TIAM1: variants seen among roughly 807,000 people sequenced by gnomAD.
TIAM1 encodes TIAM Rac1 associated GEF 1.
In TIAM1, 65 loss-of-function variants were observed where a neutral mutation model predicts 163.5. That is an observed-to-expected ratio of 0.40 (90% confidence interval 0.33 to 0.49). TIAM1 has a LOEUF of 0.49. Among genes scored for constraint, TIAM1 ranks in the 20% least tolerant of loss-of-function variants. The pLI, the probability that TIAM1 is intolerant of heterozygous loss-of-function variation, is 0.77. For synonymous variants in TIAM1, 833 were observed against 810.1 expected, an observed-to-expected ratio of 1.03 and a Z score of -0.48; for missense variants, 1,789 against 2,044.7, an observed-to-expected ratio of 0.87 and a Z score of 2.41.
chr21:31,402,979 T>C (rs1026261216), intron 2 of TIAM1, among the ~76,000 whole-genome samples: 1 of 151,960 alleles, frequency 6.6e-6, no homozygotes, highest in Non-Finnish European at 1.5e-5. Context: ...AAACAATGTA[T>C]CTTCCTGTAC....
chr21:31,274,588 C>A (rs1159763676), intron 3 of TIAM1, among the ~76,000 whole-genome samples: 1 of 152,176 alleles, frequency 6.6e-6, no homozygotes, highest in Non-Finnish European at 1.5e-5. Context: ...GGATGCCTCA[C>A]CCCCTAGCTG....
chr21:31,465,991 C>A (rs903467764), intron 1 of TIAM1, among the ~76,000 whole-genome samples: 1 of 152,228 alleles, frequency 6.6e-6, no homozygotes, highest in Non-Finnish European at 1.5e-5. Flanking sequence ...CAGGCGTGAG[C>A]CACGGCGCCC....
In TIAM1 at chr21:31,338,506, C is replaced by T. The variant is rs140808867; in HGVS notation, c.-189+737G>A. On this transcript the variant is annotated intron_variant, in intron 2 of 27. Transcript: ENST00000541036. Reference sequence around the variant, plus strand: ...TAGCTAGAAAGCCCCTTTTGGTCTACGTCATTCTCCTCCTAGGAAGTAAAC... The same window carrying T: ...TAGCTAGAAAGCCCCTTTTGGTCTATGTCATTCTCCTCCTAGGAAGTAAAC... Among the ~76,000 whole-genome samples, 8 of 152,274 alleles carry T rather than the reference C, an allele frequency of 5.3e-5. No individual in the cohort carries two copies. In the East Asian group the frequency reaches 5.8e-4, roughly 11 times the overall value.
intron 2 of TIAM1, among the ~76,000 whole-genome samples, chr21:31,447,739 G>C (rs1468214229): frequency 6.6e-6 from 1 of 152,174 alleles, no homozygotes; most frequent in Admixed American, 6.5e-5. Flanking sequence ...ATGAGTGCTT[G>C]TACTAGTCAG....
chr21:31,235,396 T>C (rs2088697964), intron 6 of TIAM1, among the ~76,000 whole-genome samples: 1 of 152,174 alleles, frequency 6.6e-6, no homozygotes, highest in African/African-American at 2.4e-5. Context: ...TAACACTGAT[T>C]AGTGCTTTAA....
Position 31,118,679 on chromosome 21 carries a change from G to T in TIAM1, c.*1689C>A. The T allele has an allele frequency of 2.1e-6, 1 of 470,604 alleles. No homozygotes were observed. Among genetic ancestry groups the T allele is most frequent in the Non-Finnish European group, 4.4e-6 (1 of 226,898 alleles). 29.2% of individuals were successfully genotyped at this position (470,604 alleles called of 1,614,324 possible). ...CTGCTTCCGTTTTCCATCTGGACGC[G>T]ATCGAACCGGAGATGATATGGAAAA... On this transcript the variant is annotated 3_prime_UTR_variant, in exon 28 of 28. Coordinates refer to ENST00000541036, the MANE Select transcript of TIAM1 (RefSeq NM_001353694.2).
intron 11 of TIAM1, among the ~76,000 whole-genome samples, chr21:31,207,005 C>A (rs1240963540): frequency 2.0e-5 from 3 of 152,068 alleles, no homozygotes; most frequent in East Asian, 3.9e-4. Context: ...TCAAAGTAAC[C>A]TTTTCTTTCT....
intron 2 of TIAM1, among the ~76,000 whole-genome samples, chr21:31,423,398 T>G (rs1479879333): frequency 6.6e-6 from 1 of 152,048 alleles, no homozygotes; most frequent in East Asian, 1.9e-4. Flanking sequence ...GCGCCCAGCC[T>G]GGCACTATCT....
intron 16 of TIAM1, 75 bp downstream of exon 16, chr21:31,164,887 G>C: frequency 6.9e-7 from 1 of 1,449,388 alleles, no homozygotes; most frequent in Non-Finnish European, 9.6e-7. Context: ...ACCACATACA[G>C]CTGTGTAGGT....
chr21:31,432,527 C>A (rs1569326494), intron 2 of TIAM1, among the ~76,000 whole-genome samples: 1 of 152,268 alleles, frequency 6.6e-6, no homozygotes, highest in African/African-American at 2.4e-5. Flanking sequence ...GTAATAGTGA[C>A]CATGGCCTTC....
Position 31,504,308 on chromosome 21 carries a change from G to C in TIAM1, c.-421-40273C>G, listed in dbSNP as rs547534783. On this transcript the variant is annotated intron_variant, in intron 1 of 28. Coordinates refer to the TIAM1 transcript ENST00000286827. Reference sequence around the variant, plus strand: ...TCACAGAGATGCAAGGGTGCATCCAGAAGAGGGGGCATGGCCGCTGAGAAG... The same window carrying C: ...TCACAGAGATGCAAGGGTGCATCCACAAGAGGGGGCATGGCCGCTGAGAAG... Among the ~76,000 whole-genome samples the C allele has an allele frequency of 9.0e-4, 137 of 152,242 alleles. 1 individual carries two copies. Among genetic ancestry groups the C allele is most frequent in the Admixed American group, 9.0e-3 (137 of 15,274 alleles).
intron 2 of TIAM1, among the ~76,000 whole-genome samples, chr21:31,355,368 A>T (rs1204736256): frequency 6.6e-6 from 1 of 152,040 alleles, no homozygotes; most frequent in Non-Finnish European, 1.5e-5. Flanking sequence ...AAACTTGTTC[A>T]TCTTCCGCTT....
At chr21:31,539,070 G>A (rs529618310) in intron 1 of TIAM1, among the ~76,000 whole-genome samples, 1 of 152,166 alleles carries the variant, frequency 6.6e-6, no homozygotes, top group African/African-American at 2.4e-5. Flanking sequence ...CCAGACTTCC[G>A]GAGTCTGCTA....
intron 2 of TIAM1, among the ~76,000 whole-genome samples, chr21:31,441,083 G>T (rs2044401992): frequency 6.6e-6 from 1 of 152,128 alleles, no homozygotes; most frequent in Admixed American, 6.5e-5. Context: ...TAATCAGCTG[G>T]TCTTAACAGG....
intron 22 of TIAM1, among the ~76,000 whole-genome samples, chr21:31,138,845 T>A (rs1311834667): frequency 6.6e-6 from 1 of 152,204 alleles, no homozygotes; most frequent in Non-Finnish European, 1.5e-5. Context: ...CCTGCTCGTT[T>A]GTCTTATCCT....
rs535589230 is a variant in TIAM1, at chr21:31,474,450, C to A, written c.-421-10415G>T. Among the ~76,000 whole-genome samples, 25 of 152,136 alleles carry A rather than the reference C, an allele frequency of 1.6e-4. No homozygotes were observed. In the South Asian group the frequency reaches 4.2e-3, roughly 25 times the overall value. On this transcript the variant is annotated intron_variant, in intron 1 of 28. Transcript: ENST00000286827. ...TTCCTCATCTGTAAGATGAGGATGG[C>A]AGCAGCTAACAGGCAAGTGAGGTGT...
At chr21:31,529,818 C>T (rs960226713) in intron 1 of TIAM1, among the ~76,000 whole-genome samples, 2 of 152,132 alleles carry the variant, frequency 1.3e-5, no homozygotes, top group African/African-American at 4.8e-5. Flanking sequence ...CCCTTCCTCT[C>T]GAGGGAAGGT....
intron 1 of TIAM1, among the ~76,000 whole-genome samples, chr21:31,529,696 G>C (rs757407799): frequency 1.9e-4 from 29 of 152,192 alleles, no homozygotes; most frequent in Middle Eastern, 3.2e-3. Context: ...CAAATGCAGA[G>C]AGCAACTGTC....
At chr21:31,520,629 C>G (rs953945272) in intron 1 of TIAM1, among the ~76,000 whole-genome samples, 1 of 152,210 alleles carries the variant, frequency 6.6e-6, no homozygotes, top group Non-Finnish European at 1.5e-5. Context: ...TTCCCCACTT[C>G]TGTAATATGA....
Sources: gnomAD v4.1 joint callset for allele counts (sites outside exome capture counted in the v4.1 genomes callset) on GRCh38, gnomAD v4.1.1 for gene constraint, MANE v1.5 for transcripts, NCBI Gene and HGNC (gene_info 2026-07-23, HGNC 2026-07-21) for gene names.